TRPM3: variants seen among roughly 807,000 people sequenced by gnomAD.
The protein encoded by TRPM3 is long transient receptor potential channel 3.
A neutral mutation model predicts 181.2 loss-of-function variants in TRPM3; 77 were observed. The observed-to-expected ratio is 0.42, with a 90% CI of 0.35 to 0.51. The LOEUF (loss-of-function observed/expected upper bound fraction) is 0.51. Among genes scored for constraint, TRPM3 ranks in the 20% least tolerant of loss-of-function variants. The pLI is 0.01. For synonymous variants in TRPM3, 745 were observed against 796.4 expected (o/e 0.94, Z 1.09); for missense variants, 1,759 against 2,196.7 (o/e 0.80, Z 3.98).
intron 25 of TRPM3, among the ~76,000 whole-genome samples, chr9:70,542,796 TC>T (rs965535654): frequency 2.6e-5 from 4 of 152,170 alleles, no homozygotes; most frequent in African/African-American, 9.7e-5. Context: ...GCAAAAGCAA[TC>T]CCGTATTGCA....
At position 71,222,996 on chromosome 9, in the gene TRPM3, G is replaced by A. The variant is rs1293669738; in HGVS notation, c.183+223657C>T. Among the ~76,000 whole-genome samples the A allele has an allele frequency of 2.0e-5, 3 of 152,090 alleles. No homozygotes were observed. The East Asian group carries it at 5.8e-4, about 29-fold the overall frequency. On this transcript the variant is annotated intron_variant, in intron 1 of 24. Transcript: ENST00000357533. ...CACAAAGGCTGCAACTTCTTGGCAA[G>A]ACCTAGTGCTGAACTGGGCTCAGAG...
intron 1 of TRPM3, among the ~76,000 whole-genome samples, chr9:71,394,628 C>T (rs145231370): frequency 2.6e-4 from 40 of 152,176 alleles, no homozygotes; most frequent in Middle Eastern, 3.4e-3. Flanking sequence ...TTTTTGGTTG[C>T]TATGTTGCTC....
intron 25 of TRPM3, among the ~76,000 whole-genome samples, chr9:70,539,533 G>A (rs1432550564): frequency 6.6e-6 from 1 of 151,440 alleles, no homozygotes; most frequent in Non-Finnish European, 1.5e-5. Context: ...CATCTCAGGG[G>A]CCAGGCACAC....
chr9:71,045,684 G>C (rs2059354508), intron 1 of TRPM3, among the ~76,000 whole-genome samples: 1 of 152,182 alleles, frequency 6.6e-6, no homozygotes, highest in African/African-American at 2.4e-5. Context: ...TTTTCCTAAA[G>C]GAGAGACTTG....
At chr9:71,182,028 C>A (rs1267243912) in intron 1 of TRPM3, among the ~76,000 whole-genome samples, 1 of 152,116 alleles carries the variant, frequency 6.6e-6, no homozygotes, top group Non-Finnish European at 1.5e-5. Flanking sequence ...GAAACCCCGG[C>A]CTCTACATTA....
At chr9:70,997,432 T>C (rs1454497274) in intron 1 of TRPM3, among the ~76,000 whole-genome samples, 1 of 152,196 alleles carries the variant, frequency 6.6e-6, no homozygotes, top group Non-Finnish European at 1.5e-5. Context: ...CCTGACCTCG[T>C]GATCTGCCTG....
intron 1 of TRPM3, among the ~76,000 whole-genome samples, chr9:71,202,435 T>C (rs762266323): frequency 6.6e-6 from 1 of 152,194 alleles, no homozygotes; most frequent in Non-Finnish European, 1.5e-5. Flanking sequence ...TGGGCCTTTC[T>C]GTACCCCTCA....
intron 1 of TRPM3, among the ~76,000 whole-genome samples, chr9:71,303,400 AT>A (rs201180134): frequency 1.1e-4 from 17 of 152,220 alleles, no homozygotes; most frequent in Middle Eastern, 3.4e-3. Context: ...GGTTACAGTG[AT>A]TTTTTTTAGA....
At chr9:71,259,650 G>A (rs901792126) in intron 1 of TRPM3, among the ~76,000 whole-genome samples, 2 of 152,112 alleles carry the variant, frequency 1.3e-5, no homozygotes, top group Non-Finnish European at 2.9e-5. Flanking sequence ...TAGTGATGAT[G>A]AGCCTTTTTT....
At chr9:70,681,630 A>T in intron 8 of TRPM3, 52 bp from the exon 9 acceptor site, 1 of 1,466,874 alleles carries the variant, frequency 6.8e-7, no homozygotes, top group East Asian at 2.3e-5. Context: ...CCCCAAGAGA[A>T]ATTAAATCAA....
chr9:71,269,965 T>A (rs1346480022), intron 1 of TRPM3, among the ~76,000 whole-genome samples: 1 of 152,164 alleles, frequency 6.6e-6, no homozygotes, highest in East Asian at 1.9e-4. Context: ...CCATCAAGAG[T>A]AGAAGTCAAC....
At chr9:70,596,456 G>T (rs9969856) in intron 21 of TRPM3, among the ~76,000 whole-genome samples, 110,271 of 152,020 alleles carry the variant, frequency 0.73, 40,708 homozygotes, top group East Asian at 0.84. Context: ...CATCAGCCAG[G>T]CATGGTGGCT....
At chr9:71,357,150 A>C (rs2309897) in intron 1 of TRPM3, among the ~76,000 whole-genome samples, 150,612 of 152,276 alleles carry the variant, frequency 0.99, 74,516 homozygotes, top group East Asian at 1. Flanking sequence ...GAAAACAATT[A>C]TTAAAATAAT....
chr9:71,071,499 C>T (rs1362948227), intron 1 of TRPM3, among the ~76,000 whole-genome samples: 3 of 152,116 alleles, frequency 2.0e-5, no homozygotes, highest in Non-Finnish European at 4.4e-5. Flanking sequence ...CTACATGAGA[C>T]TACAATCTTG....
At chr9:70,991,087 G>A (rs888173402) in intron 1 of TRPM3, among the ~76,000 whole-genome samples, 3 of 152,050 alleles carry the variant, frequency 2.0e-5, no homozygotes, top group Non-Finnish European at 2.9e-5. Flanking sequence ...CTTTCTAATT[G>A]CTTGCCCTTC....
intron 1 of TRPM3, among the ~76,000 whole-genome samples, chr9:71,025,138 G>A (rs1057495057): frequency 4.6e-5 from 7 of 152,270 alleles, no homozygotes; most frequent in South Asian, 2.1e-4. Context: ...AAGTAAAAAT[G>A]TATCATAGGT....
intron 20 of TRPM3, among the ~76,000 whole-genome samples, chr9:70,600,715 GTGT>G (rs1243130428): frequency 6.6e-6 from 1 of 152,200 alleles, no homozygotes; most frequent in Non-Finnish European, 1.5e-5. Context: ...TCTGCAGCTG[GTGT>G]TGTCCTGATG....
chr9:70,616,288 TC>T (rs1210187824), intron 17 of TRPM3, among the ~76,000 whole-genome samples: 2 of 152,010 alleles, frequency 1.3e-5, no homozygotes, highest in Admixed American at 6.6e-5. Context: ...GATCATTTTG[TC>T]CCATCTAGGA....
At chr9:71,284,657 G>A (rs904104719) in intron 1 of TRPM3, among the ~76,000 whole-genome samples, 1 of 152,128 alleles carries the variant, frequency 6.6e-6, no homozygotes, top group Non-Finnish European at 1.5e-5. Context: ...AATTGACCAT[G>A]CTGATCATTA....
Sources: gnomAD v4.1 joint callset for allele counts (sites outside exome capture counted in the v4.1 genomes callset) on GRCh38, gnomAD v4.1.1 for gene constraint, MANE v1.5 for transcripts, NCBI Gene and HGNC (gene_info 2026-07-23, HGNC 2026-07-21) for gene names.